Variants in ERGIC1 observed in about 807,000 individuals in gnomAD.
ERGIC1 encodes endoplasmic reticulum-Golgi intermediate compartment protein 1.
A neutral mutation model predicts 38.3 loss-of-function variants in ERGIC1; 19 were observed. That is an observed-to-expected ratio of 0.50 (90% CI 0.35 to 0.73). The LOEUF is 0.73. ERGIC1 is among the 30% of genes least tolerant of loss of function. The probability of loss-of-function intolerance (pLI) is 0.01; values close to 1 mark genes in which losing one functional copy is unlikely to be tolerated. For synonymous variants in ERGIC1, 124 were observed against 157.6 expected, an observed-to-expected ratio of 0.79 and a Z score of 1.60; for missense variants, 294 against 389.2, an observed-to-expected ratio of 0.76 and a Z score of 2.06.
intron 9 of ERGIC1, among the ~76,000 whole-genome samples, chr5:172,940,349 A>G (rs1581588822): frequency 6.6e-6 from 1 of 152,154 alleles, no homozygotes; most frequent in Non-Finnish European, 1.5e-5. Flanking sequence ...GCTATATTAG[A>G]ACATTCCAGC....
chr5:172,876,128 G>T (rs956655197), intron 1 of ERGIC1, among the ~76,000 whole-genome samples: 1 of 151,872 alleles, frequency 6.6e-6, no homozygotes, highest in Non-Finnish European at 1.5e-5. Flanking sequence ...GGATCACTGC[G>T]TTCAGGCAGG....
intron 3 of ERGIC1, chr5:172,906,139 G>A (rs1561728444): frequency 2.2e-6 from 1 of 456,248 alleles, no homozygotes; most frequent in Non-Finnish European, 4.4e-6. Context: ...GCTCTTGGTG[G>A]CCTCTGATTG....
intron 1 of ERGIC1, among the ~76,000 whole-genome samples, chr5:172,881,927 G>A (rs190099999): frequency 3.9e-4 from 60 of 152,278 alleles, no homozygotes; most frequent in Admixed American, 3.9e-4. Flanking sequence ...TTCTCTTGAC[G>A]GAGAGCTGGT....
intron 9 of ERGIC1, among the ~76,000 whole-genome samples, chr5:172,946,355 G>A (rs765646518): frequency 1.3e-4 from 20 of 152,162 alleles, no homozygotes; most frequent in East Asian, 1.9e-4. Context: ...GCCAATCAGC[G>A]TCTTCCCTCC....
At chr5:172,917,588 G>A (rs1763402451) in intron 5 of ERGIC1, 1 of 152,150 alleles carries the variant, frequency 6.6e-6, no homozygotes, top group South Asian at 2.1e-4. Context: ...CCTACGGAGA[G>A]GCTGTAGATC....
intron 4 of ERGIC1, among the ~76,000 whole-genome samples, chr5:172,914,247 A>ATAAAT (rs1406597362): frequency 3.9e-5 from 5 of 127,850 alleles, no homozygotes; most frequent in Non-Finnish European, 6.5e-5. Flanking sequence ...AAAAAAAAAA[A>ATAAAT]AAAAAAAAAA....
chr5:172,845,135 A>G (rs952155925), intron 1 of ERGIC1, among the ~76,000 whole-genome samples: 12 of 152,138 alleles, frequency 7.9e-5, no homozygotes, highest in African/African-American at 2.4e-4. Flanking sequence ...TGGCTTTCTT[A>G]GCCAGTATCA....
At position 172,926,256 on chromosome 5, in the gene ERGIC1, G is replaced by C. The variant is rs1763647929; in HGVS notation, c.481-253G>C. ...ATGGGCCCAATAATACATCATTAGG[G>C]GCATGAAATGAAATTATATGAAGGG... On this transcript the variant is annotated intron_variant, in intron 6 of 9. Transcript: ENST00000393784. This position sits in a 1 kb window ranked among gnomAD's most constrained non-coding sequence, Gnocchi z 5.2. Among the ~76,000 whole-genome samples the C allele has an allele frequency of 6.6e-6, 1 of 152,150 alleles. No homozygotes were observed. The highest frequency in any genetic ancestry group is 2.1e-4 in the South Asian group (1 of 4,826).
At chr5:172,925,595 C>T (rs1433349049) in intron 6 of ERGIC1, among the ~76,000 whole-genome samples, 5 of 152,300 alleles carry the variant, frequency 3.3e-5, no homozygotes, top group Admixed American at 6.5e-5. Context: ...ACGTACCTCT[C>T]CGATGTCTCC....
chr5:172,898,000 A>T, intron 3 of ERGIC1: 1 of 410,976 alleles, frequency 2.4e-6, no homozygotes, highest in Non-Finnish European at 4.4e-6. Context: ...ACCTCATCGG[A>T]CGCCCCTCTG....
At chr5:172,875,578 C>G (rs1270116579) in intron 1 of ERGIC1, among the ~76,000 whole-genome samples, 1 of 152,092 alleles carries the variant, frequency 6.6e-6, no homozygotes, top group African/African-American at 2.4e-5. Flanking sequence ...GAATCAGAAT[C>G]CAACAAGGTC....
At chr5:172,843,833 C>T (rs893951362) in intron 1 of ERGIC1, among the ~76,000 whole-genome samples, 4 of 152,246 alleles carry the variant, frequency 2.6e-5, no homozygotes, top group East Asian at 1.9e-4. Context: ...GACACTTTGC[C>T]TCTGCAAGCC....
rs200458222 is a variant in ERGIC1, at chr5:172,935,183, C to T, written c.643-5C>T. ...TACTTCTGATTCTTATATCCTCTAC[C>T]CCAGGAATACGTCGCCTACAGCCAC... On this transcript the variant is annotated splice_polypyrimidine_tract_variant and splice_region_variant and intron_variant, in intron 8 of 9. Coordinates refer to ENST00000393784, the MANE Select transcript of ERGIC1 (RefSeq NM_001031711.3). The T allele has an allele frequency of 1.7e-4, 274 of 1,614,122 alleles. 4 individuals carry two copies. The South Asian group carries it at 2.3e-3, about 13-fold the overall frequency.
At chr5:172,910,337 A>G (rs1304535556) in intron 4 of ERGIC1, among the ~76,000 whole-genome samples, 2 of 152,118 alleles carry the variant, frequency 1.3e-5, no homozygotes, top group African/African-American at 2.4e-5. Context: ...AGCCAAGAGC[A>G]TTCATCTGGA....
intron 1 of ERGIC1, among the ~76,000 whole-genome samples, chr5:172,864,268 CTTTTTTTTTTTTT>C (rs60390189): frequency 5.6e-5 from 4 of 71,160 alleles, no homozygotes; most frequent in African/African-American, 2.0e-4. Flanking sequence ...ATTTTGTAGT[CTTTTTTTTTTTTT>C]TTTTTTTTTG....
At position 172,837,619 on chromosome 5, in the gene ERGIC1, C is replaced by T. The variant is rs991148864; in HGVS notation, c.20+3186C>T. 6.6e-6 allele frequency among the ~76,000 whole-genome samples: 1 copy of T among 152,200 alleles called. No homozygotes were observed. The highest frequency in any genetic ancestry group is 6.5e-5 in the Admixed American group (1 of 15,284). Reference sequence around the variant, plus strand: ...ATGACGTGACTTGATATGCCAGCTTCAGTGGGCAGATTTTCAGCCATTAGT... The same window carrying T: ...ATGACGTGACTTGATATGCCAGCTTTAGTGGGCAGATTTTCAGCCATTAGT... On this transcript the variant is annotated intron_variant, in intron 1 of 9. Transcript: ENST00000393784. This position sits in a 1 kb window ranked among gnomAD's most constrained non-coding sequence, Gnocchi z 4.3.
intron 9 of ERGIC1, chr5:172,935,607 C>T (rs1763872731): frequency 3.1e-6 from 1 of 318,202 alleles, no homozygotes; most frequent in South Asian, 7.4e-5. Context: ...TTAGGATTTT[C>T]TCCAGCTTTT....
At chr5:172,844,303 G>T (rs751118622) in intron 1 of ERGIC1, among the ~76,000 whole-genome samples, 2 of 152,382 alleles carry the variant, frequency 1.3e-5, no homozygotes, top group Non-Finnish European at 2.9e-5. Flanking sequence ...GCGAGGCCCT[G>T]TGGGGAAGGG....
intron 1 of ERGIC1, among the ~76,000 whole-genome samples, chr5:172,868,734 A>G (rs774959469): frequency 3.9e-5 from 6 of 152,350 alleles, no homozygotes; most frequent in East Asian, 1.9e-4. Context: ...TCATTCATCA[A>G]TCATAACAAA....
Sources: allele counts gnomAD v4.1 joint callset (sites outside exome capture counted in the v4.1 genomes callset), GRCh38; gene constraint gnomAD v4.1.1; non-coding constraint Gnocchi (gnomAD v3.1); transcripts MANE v1.5; gene names NCBI Gene and HGNC (gene_info 2026-07-23, HGNC 2026-07-21).